Variants in IL3RA observed in about 807,000 individuals in gnomAD.
IL3RA encodes the protein interleukin 3 receptor subunit alpha.
IL3RA carries 73 observed loss-of-function variants against 52.3 expected under a neutral mutation model. The ratio of observed to expected loss-of-function variants is 1.40; its 90% CI spans 1.16 to 1.70. The LOEUF is 1.70. Ranked by LOEUF, IL3RA falls within the 40% of genes most tolerant of loss-of-function variation. The pLI is 0.00. For synonymous variants in IL3RA, 260 were observed against 194.0 expected, an observed-to-expected ratio of 1.34 and a Z score of -2.83; for missense variants, 664 against 504.4, an observed-to-expected ratio of 1.32 and a Z score of -3.03.
intron 9 of IL3RA, among the ~76,000 whole-genome samples, chrX:1,376,979 T>C (rs1382345544): frequency 7.1e-6 from 1 of 140,708 alleles, no homozygotes; most frequent in Non-Finnish European, 1.5e-5. Flanking sequence ...GGAGAATCAA[T>C]GTGTTTTGTT....
Position 1,341,846 on chromosome X carries a change from A to AG in IL3RA, c.64+17_64+18insG. Reference sequence around the variant, plus strand: ...CGAAGGAAGGTAAGAACTGGAGAAAAAATGCACGTGCCACCTGGGGAGCGG... The same window carrying AG: ...CGAAGGAAGGTAAGAACTGGAGAAAAGAATGCACGTGCCACCTGGGGAGCGG... On this transcript the variant is annotated intron_variant, in intron 2 of 11. Coordinates refer to ENST00000331035, the MANE Select transcript of IL3RA (RefSeq NM_002183.4). 1 of 1,613,524 alleles carries AG rather than the reference A, an allele frequency of 6.2e-7. No individual in the cohort carries two copies. The highest frequency in any genetic ancestry group is 1.1e-5 in the South Asian group (1 of 91,066).
intron 2 of IL3RA, 125 bp from the exon 3 acceptor site, chrX:1,345,186 TAAATA>T (rs2085685648): frequency 1.8e-6 from 1 of 551,542 alleles, no homozygotes; most frequent in Non-Finnish European, 3.2e-6. Context: ...TTAAAAAAAT[TAAATA>T]AAAGAACTCC....
intron 9 of IL3RA, 30 bp downstream of exon 9, chrX:1,365,282 G>T (rs747983726): frequency 1.8e-5 from 25 of 1,427,872 alleles, no homozygotes; most frequent in Non-Finnish European, 2.4e-5. Context: ...TGCGCGGGGT[G>T]AGCGGGGTGA....
chrX:1,340,240 C>G lies in IL3RA; in HGVS notation c.-38-1488C>G, dbSNP rs188644126. ...AACTGATTGTCCTGCCTCAGCCTCC[C>G]GAGTAGCTGGGATTATAGGCACACT... On this transcript the variant is annotated intron_variant, in intron 1 of 11. Transcript: ENST00000331035. Among the ~76,000 whole-genome samples, 281 of 152,060 alleles carry G rather than the reference C, an allele frequency of 1.8e-3. 1 individual carries two copies. Among genetic ancestry groups the G allele is most frequent in the African/African-American group, 6.4e-3 (264 of 41,500 alleles).
chrX:1,360,121 G>A (rs192237401), intron 8 of IL3RA, among the ~76,000 whole-genome samples: 140 of 104,410 alleles, frequency 1.3e-3, no homozygotes, highest in African/African-American at 5.0e-3. Flanking sequence ...CCCTCTCCCC[G>A]TCTCTTTCTC....
chrX:1,340,879 G>C (rs1469509946), intron 1 of IL3RA, among the ~76,000 whole-genome samples: 3 of 152,154 alleles, frequency 2.0e-5, no homozygotes, highest in African/African-American at 7.2e-5. Context: ...CACTTTGGGA[G>C]GCTGAGGTGG....
At chrX:1,343,429 C>G (rs2085571978) in intron 2 of IL3RA, among the ~76,000 whole-genome samples, 1 of 151,866 alleles carries the variant, frequency 6.6e-6, no homozygotes, top group Non-Finnish European at 1.5e-5. Flanking sequence ...CTTTGGGAGG[C>G]TGAGGCGGGT....
intron 11 of IL3RA, among the ~76,000 whole-genome samples, chrX:1,381,349 G>T (rs188439971): frequency 2.6e-5 from 4 of 152,048 alleles, no homozygotes; most frequent in Admixed American, 6.6e-5. Context: ...AGTGAACTAC[G>T]ATCGAGCCAC....
In IL3RA at chrX:1,363,949, G is replaced by A. The variant is rs183291698; in HGVS notation, c.760-1189G>A. 3.3e-3 allele frequency among the ~76,000 whole-genome samples: 506 copies of A among 151,966 alleles called. 4 individuals are homozygous for A. Among genetic ancestry groups the A allele is most frequent in the South Asian group, 0.014 (67 of 4,804 alleles). ...GGTAATCCCAGCCCTTTGGGAGGCC[G>A]AGGCGGGTGGATCATGAGGTCAGGA... On this transcript the variant is annotated intron_variant, in intron 8 of 11. Transcript: ENST00000331035.
chrX:1,350,202 C>G (rs1217446976), intron 4 of IL3RA, among the ~76,000 whole-genome samples: 1 of 150,822 alleles, frequency 6.6e-6, no homozygotes, highest in East Asian at 2.0e-4. Context: ...CGCCTGTAAT[C>G]CCAGCACTTT....
chrX:1,356,356 C>T lies in IL3RA; in HGVS notation c.732+20C>T. Reference sequence around the variant, plus strand: ...CAAAAGGTAAACTTTCACCCCGCCCCCAGCCCCCCCACCCCCGTGGACATC... The same window carrying T: ...CAAAAGGTAAACTTTCACCCCGCCCTCAGCCCCCCCACCCCCGTGGACATC... On this transcript the variant is annotated intron_variant, in intron 7 of 11. Coordinates refer to ENST00000331035, the MANE Select transcript of IL3RA (RefSeq NM_002183.4). 3 of 1,309,824 alleles carry T rather than the reference C, an allele frequency of 2.3e-6. No individual in the cohort carries two copies. Among genetic ancestry groups the T allele is most frequent in the Non-Finnish European group, 3.1e-6 (3 of 958,206 alleles). The allele number at this position is 1,309,824 out of a possible 1,614,324, so 81.1% of individuals were successfully genotyped here.
At chrX:1,346,464 G>A (rs1159346985) in intron 3 of IL3RA, among the ~76,000 whole-genome samples, 3 of 150,864 alleles carry the variant, frequency 2.0e-5, no homozygotes, top group South Asian at 2.1e-4. Context: ...AAAATTAGCC[G>A]GATGTGGTGG....
chrX:1,380,636 AGAGGGGGAGGGGGAGAGGGAG>A (rs2089131386), intron 10 of IL3RA, among the ~76,000 whole-genome samples: 1 of 38,584 alleles, frequency 2.6e-5, no homozygotes, highest in Non-Finnish European at 4.8e-5. Context: ...GGAAGGAGGG[AGAGGGGGAGGGGGAGAGGGAG>A]GGGTAGGGGG....
At position 1,352,520 on chromosome X, in the gene IL3RA, G is replaced by A; in HGVS notation, c.616+14G>A. 2 of 1,610,750 alleles carry A rather than the reference G, an allele frequency of 1.2e-6. No homozygotes were observed. Among genetic ancestry groups the A allele is most frequent in the Non-Finnish European group, 1.7e-6 (2 of 1,178,584 alleles). ...TTTCACAGATTGGTGAGTAGCCCGG[G>A]ACACTCCCTCCCACCCTCAGTTCTG... On this transcript the variant is annotated intron_variant, in intron 6 of 11. Coordinates refer to ENST00000331035, the MANE Select transcript of IL3RA (RefSeq NM_002183.4).
At chrX:1,367,737 GGGGTGCGCGGGGTGAGCGGGGTGCGCC>G (rs1569526943) in intron 9 of IL3RA, among the ~76,000 whole-genome samples, 1 of 123,070 alleles carries the variant, frequency 8.1e-6, no homozygotes, top group African/African-American at 3.1e-5. Flanking sequence ...CCGGGTGAGC[GGGGTGCGCGGGGTGAGCGGGGTGCGCC>G]GGGTGAGCGG....
rs143118009 is a variant in IL3RA, at chrX:1,356,281, G to A, written c.677G>A (p.Trp226Ter). 2,436 of 1,613,646 alleles carry A rather than the reference G, an allele frequency of 1.5e-3. 18 individuals carry two copies. The highest frequency in any genetic ancestry group is 1.7e-3 in the Middle Eastern group (10 of 6,054). The change falls in exon 7 of 12, where the codon TGG (tryptophan) becomes TAG (stop). Residue 226 changes from tryptophan (W) to a stop codon, truncating the protein, a stop_gained. Transcript: ENST00000331035. LOFTEE classifies it high-confidence loss of function. ...KCNKTHSFMHWKMRSHFNRKF... is the reference protein window; with the variant it reads ...KCNKTHSFMH The stretch of plus-strand genomic sequence containing the variant: ...AATAAGACACATTCCTTTATGCACT[G>A]GAAAATGAGAAGTCATTTCAATCGC...
chrX:1,348,988 C>T (rs2085952227), intron 4 of IL3RA, among the ~76,000 whole-genome samples: 1 of 147,674 alleles, frequency 6.8e-6, no homozygotes, highest in Admixed American at 6.9e-5. Context: ...TCTCTCTTTC[C>T]CCCTCCCCTC....
At chrX:1,342,944 G>A (rs17885256) in intron 2 of IL3RA, among the ~76,000 whole-genome samples, 45,951 of 151,230 alleles carry the variant, frequency 0.3, 8,954 homozygotes, top group African/African-American at 0.56. Context: ...GCGTGGTGGC[G>A]GGCGCCTGTA....
chrX:1,381,028 TG>T lies in IL3RA; in HGVS notation c.988del (p.Val330Ter), dbSNP rs751969438. On this transcript the variant is annotated frameshift_variant, in exon 11 of 12. Transcript: ENST00000331035. LOFTEE classifies it high-confidence loss of function. ...VCVFVICRRY[L>X]VMQRLFPRIP... ...CCATTTCTCTTTCCTCCGAGGTATC[TG>T]GTGATGCAGAGACTCTTTCCCCGCA... 108 of 1,613,642 alleles carry T rather than the reference TG, an allele frequency of 6.7e-5. No homozygotes were observed. Among genetic ancestry groups the T allele is most frequent in the Non-Finnish European group, 8.9e-5 (105 of 1,179,702 alleles).
Sources: allele counts gnomAD v4.1 joint callset (sites outside exome capture counted in the v4.1 genomes callset), GRCh38; gene constraint gnomAD v4.1.1; transcripts MANE v1.5; gene names NCBI Gene and HGNC (gene_info 2026-07-23, HGNC 2026-07-21).